The following DGKG variants were observed in gnomAD, a reference collection of about 807,000 sequenced individuals.
The protein encoded by DGKG is DAG kinase gamma.
In DGKG, 78 loss-of-function variants were observed where a neutral mutation model predicts 105.3. The observed-to-expected ratio is 0.74, with a 90% CI of 0.62 to 0.89. DGKG has a LOEUF of 0.89. DGKG is among the 40% of genes least tolerant of loss of function. The pLI, the probability that DGKG is intolerant of heterozygous loss-of-function variation, is 0.00. For missense variants in DGKG, 958 were observed against 1,020.1 expected (o/e 0.94, Z 0.83); for synonymous variants, 346 against 367.1 (o/e 0.94, Z 0.66).
chr3:186,180,056 G>A (rs1414492027), intron 22 of DGKG, among the ~76,000 whole-genome samples: 3 of 152,120 alleles, frequency 2.0e-5, no homozygotes, highest in Non-Finnish European at 4.4e-5. Flanking sequence ...TGACATCTGG[G>A]GCCTCCTGAG....
chr3:186,332,759 T>G (rs186826158), intron 1 of DGKG, among the ~76,000 whole-genome samples: 1 of 152,306 alleles, frequency 6.6e-6, no homozygotes, highest in African/African-American at 2.4e-5. Context: ...AAATTCATGT[T>G]GAAATTTAAT....
At chr3:186,224,940 A>G (rs1437518485) in intron 20 of DGKG, among the ~76,000 whole-genome samples, 1 of 152,072 alleles carries the variant, frequency 6.6e-6, no homozygotes, top group East Asian at 1.9e-4. Flanking sequence ...TGCAGAGACT[A>G]TACTTTTAAT....
chr3:186,219,275 C>T (rs1719451424), intron 20 of DGKG, among the ~76,000 whole-genome samples: 1 of 152,146 alleles, frequency 6.6e-6, no homozygotes, highest in Admixed American at 6.5e-5. Context: ...ATCTGTGTCA[C>T]CCGCACACCC....
chr3:186,283,148 C>G (rs1307068530), intron 7 of DGKG, among the ~76,000 whole-genome samples: 1 of 152,066 alleles, frequency 6.6e-6, no homozygotes, highest in East Asian at 1.9e-4. Flanking sequence ...ACCTCGTGAT[C>G]TGCCCGCCTC....
chr3:186,334,486 G>A (rs1208277366), intron 1 of DGKG, among the ~76,000 whole-genome samples: 8 of 152,128 alleles, frequency 5.3e-5, no homozygotes, highest in Admixed American at 3.9e-4. Context: ...GTAATGATTC[G>A]GCACTGTGGA....
At chr3:186,310,185 T>C (rs1167908028) in intron 2 of DGKG, among the ~76,000 whole-genome samples, 1 of 140,412 alleles carries the variant, frequency 7.1e-6, no homozygotes, top group Non-Finnish European at 1.5e-5. Context: ...GAGAATCACT[T>C]GAACCCAGGA....
chr3:186,272,175 T>C, intron 11 of DGKG, 80 bp downstream of exon 11: 1 of 1,158,866 alleles, frequency 8.6e-7, no homozygotes, highest in South Asian at 1.2e-5. Context: ...CCAGTGCCCC[T>C]TCCTGCCCAG....
intron 16 of DGKG, among the ~76,000 whole-genome samples, 194 bp downstream of exon 16, chr3:186,260,245 A>T (rs1333458198): frequency 6.6e-6 from 1 of 152,186 alleles, no homozygotes; most frequent in African/African-American, 2.4e-5. Flanking sequence ...TCTCAAACAG[A>T]GTTAGCCTTC....
At chr3:186,170,052 C>A (rs1011616013) in intron 22 of DGKG, among the ~76,000 whole-genome samples, 1 of 152,248 alleles carries the variant, frequency 6.6e-6, no homozygotes, top group African/African-American at 2.4e-5. Flanking sequence ...CAGTGGTGGG[C>A]AGCTGAAGTG....
intron 1 of DGKG, among the ~76,000 whole-genome samples, chr3:186,337,364 A>T (rs1226551330): frequency 6.6e-6 from 1 of 152,162 alleles, no homozygotes; most frequent in African/African-American, 2.4e-5. Context: ...ATCTCAATAT[A>T]TGTAGAAAAA....
In DGKG at chr3:186,284,484, G is replaced by A. The variant is rs999108520; in HGVS notation, c.594+176C>T. 3.9e-5 allele frequency among the ~76,000 whole-genome samples: 6 copies of A among 152,180 alleles called. No individual in the cohort carries two copies. The highest frequency in any genetic ancestry group is 1.4e-4 in the African/African-American group (6 of 41,452). ...TAAGTTGGCATTCACGCTCTGCAAG[G>A]CCGGCCCTTTGGAAATAGCGGGTGG... On this transcript the variant is annotated intron_variant, in intron 7 of 24. Transcript: ENST00000265022. This position sits in a 1 kb window ranked among gnomAD's most constrained non-coding sequence, Gnocchi z 4.0.
At chr3:186,333,210 C>A (rs545984606) in intron 1 of DGKG, among the ~76,000 whole-genome samples, 1 of 152,048 alleles carries the variant, frequency 6.6e-6, no homozygotes, top group South Asian at 2.1e-4. Flanking sequence ...TCAGCACCAC[C>A]GGGGGAACGT....
intron 21 of DGKG, among the ~76,000 whole-genome samples, chr3:186,211,559 T>A: frequency 6.6e-6 from 1 of 152,168 alleles, no homozygotes; most frequent in African/African-American, 2.4e-5. Context: ...TGGAATGAAG[T>A]GTGGCTCTGG....
intron 19 of DGKG, among the ~76,000 whole-genome samples, chr3:186,251,128 C>T (rs6788054): frequency 0.17 from 25,938 of 151,898 alleles, 2,958 homozygotes; most frequent in African/African-American, 0.33. Context: ...ACCAGATAAG[C>T]ACATTAAACC....
At chr3:186,326,529 G>A (rs567887938) in intron 1 of DGKG, among the ~76,000 whole-genome samples, 2 of 151,872 alleles carry the variant, frequency 1.3e-5, no homozygotes, top group South Asian at 2.1e-4. Context: ...ACATTGCAAA[G>A]TCAATTGTAG....
At chr3:186,262,000 G>A in intron 14 of DGKG, 1 of 462,332 alleles carries the variant, frequency 2.2e-6, no homozygotes, top group South Asian at 2.3e-5. Flanking sequence ...TTTGAGGTCA[G>A]GATCAGCGAT....
At chr3:186,337,516 T>A (rs534078360) in intron 1 of DGKG, among the ~76,000 whole-genome samples, 17 of 152,316 alleles carry the variant, frequency 1.1e-4, no homozygotes, top group African/African-American at 4.1e-4. Flanking sequence ...AACTTCATAT[T>A]TAAATGGTGA....
At chr3:186,341,802 G>A (rs1227334184) in intron 1 of DGKG, among the ~76,000 whole-genome samples, 2 of 152,246 alleles carry the variant, frequency 1.3e-5, no homozygotes, top group South Asian at 2.1e-4. Context: ...TTAAGAAAAT[G>A]TGGCACATAT....
At chr3:186,173,688 C>G (rs917548945) in intron 22 of DGKG, among the ~76,000 whole-genome samples, 4 of 152,256 alleles carry the variant, frequency 2.6e-5, no homozygotes, top group Non-Finnish European at 4.4e-5. Flanking sequence ...ACAGATGAAA[C>G]ACTGCTCCTG....
Sources: allele counts gnomAD v4.1 joint callset (sites outside exome capture counted in the v4.1 genomes callset), GRCh38; gene constraint gnomAD v4.1.1; non-coding constraint Gnocchi (gnomAD v3.1); transcripts MANE v1.5; gene names NCBI Gene and HGNC (gene_info 2026-07-23, HGNC 2026-07-21).